Variants in LINGO2 observed in about 807,000 individuals in gnomAD.
LINGO2 encodes the protein leucine-rich repeat and immunoglobulin-like domain-containing nogo receptor-interacting protein 2.
In LINGO2, 14 loss-of-function variants were observed where a neutral mutation model predicts 30.6. That is an observed-to-expected ratio of 0.46 (90% CI 0.30 to 0.72). The LOEUF (loss-of-function observed/expected upper bound fraction) is 0.72. Among genes scored for constraint, LINGO2 ranks in the 30% least tolerant of loss-of-function variants. The pLI is 0.07. For missense variants in LINGO2, 729 were observed against 751.7 expected (o/e 0.97, Z 0.35); for synonymous variants, 317 against 288.5 (o/e 1.10, Z -1.00).
At chr9:28,647,675 T>G (rs1180929607) in intron 1 of LINGO2, among the ~76,000 whole-genome samples, 1 of 152,092 alleles carries the variant, frequency 6.6e-6, no homozygotes, top group Non-Finnish European at 1.5e-5. Context: ...AGGTTGCATT[T>G]ATGTAAAGGT....
chr9:28,380,390 G>GTTT (rs35512653), intron 2 of LINGO2, among the ~76,000 whole-genome samples: 2,605 of 144,772 alleles, frequency 0.018, 65 homozygotes, highest in East Asian at 0.094. Context: ...GACTATAAAG[G>GTTT]TTTTTTTTTT....
intron 4 of LINGO2, among the ~76,000 whole-genome samples, chr9:28,276,113 G>T (rs992096308): frequency 6.6e-6 from 1 of 152,096 alleles, no homozygotes; most frequent in Non-Finnish European, 1.5e-5. Flanking sequence ...GAGTCAAGGG[G>T]ATTTGACTAT....
At chr9:28,203,808 G>T (rs931515650) in intron 4 of LINGO2, among the ~76,000 whole-genome samples, 5 of 152,032 alleles carry the variant, frequency 3.3e-5, no homozygotes, top group Non-Finnish European at 7.4e-5. Context: ...CAGGGTATTT[G>T]GTGGAATACT....
At chr9:28,466,863 A>G (rs962470288) in intron 2 of LINGO2, among the ~76,000 whole-genome samples, 1 of 152,214 alleles carries the variant, frequency 6.6e-6, no homozygotes, top group Non-Finnish European at 1.5e-5. Flanking sequence ...CTATCTCTGT[A>G]TCACATGCAT....
At chr9:28,651,084 G>A (rs1054004115) in intron 1 of LINGO2, among the ~76,000 whole-genome samples, 11 of 151,826 alleles carry the variant, frequency 7.2e-5, no homozygotes, top group Non-Finnish European at 1.2e-4. Context: ...CCAGCTTCTC[G>A]GGAGGCTGAG....
chr9:28,194,712 AACAC>A (rs1819948917), intron 4 of LINGO2, among the ~76,000 whole-genome samples: 1 of 152,020 alleles, frequency 6.6e-6, no homozygotes, highest in Admixed American at 6.6e-5. Context: ...AAAAAATAAA[AACAC>A]ACCTGCCAAT....
the LINGO2 span, among the ~76,000 whole-genome samples, chr9:28,957,443 A>T: frequency 6.6e-6 from 1 of 152,186 alleles, no homozygotes; most frequent in South Asian, 2.1e-4. Flanking sequence ...GTAAGCATTA[A>T]TGCTTTATTT....
chr9:29,045,807 C>G, the LINGO2 span, among the ~76,000 whole-genome samples: 1 of 151,986 alleles, frequency 6.6e-6, no homozygotes, highest in African/African-American at 2.4e-5. Context: ...TTTTTGTTTT[C>G]TCCAATTTAC....
At chr9:28,309,280 T>A (rs1032069194) in intron 3 of LINGO2, among the ~76,000 whole-genome samples, 1 of 152,208 alleles carries the variant, frequency 6.6e-6, no homozygotes, top group Admixed American at 6.5e-5. Flanking sequence ...ATGTCCTTTG[T>A]AGGGACATGG....
chr9:29,028,779 T>C, the LINGO2 span, among the ~76,000 whole-genome samples: 5 of 152,132 alleles, frequency 3.3e-5, no homozygotes, highest in African/African-American at 9.7e-5. Context: ...AGCTATTCAA[T>C]AGGTAGACAT....
At chr9:29,164,463 T>C in the LINGO2 span, among the ~76,000 whole-genome samples, 3 of 152,054 alleles carry the variant, frequency 2.0e-5, no homozygotes, top group Non-Finnish European at 4.4e-5. Flanking sequence ...TTCTCTCACC[T>C]GGTGAGTTAT....
rs72726927 is a variant in LINGO2, at chr9:28,191,704, G to A, written c.-87+103504C>T. ...CATCAGTAACCTCAATGATAAACCC[G>A]ATGGTGATGTCTCTATCCACATCTT... On this transcript the variant is annotated intron_variant, in intron 4 of 5. Coordinates refer to ENST00000379992, the Ensembl canonical transcript of LINGO2. Among the ~76,000 whole-genome samples the A allele has an allele frequency of 3.6e-3, 541 of 152,158 alleles. 1 individual carries two copies. Among genetic ancestry groups the A allele is most frequent in the South Asian group, 0.026 (123 of 4,818 alleles).
chr9:28,659,793 G>A (rs10968707), intron 1 of LINGO2, among the ~76,000 whole-genome samples: 14,294 of 152,092 alleles, frequency 0.094, 891 homozygotes, highest in East Asian at 0.2. Flanking sequence ...AGAGTCCAGT[G>A]TCGTAATAGG....
At chr9:28,816,667 A>G in the LINGO2 span, among the ~76,000 whole-genome samples, 1 of 152,208 alleles carries the variant, frequency 6.6e-6, no homozygotes, top group Non-Finnish European at 1.5e-5. Context: ...GTATCATAGG[A>G]GTTGCCTGGC....
intron 4 of LINGO2, among the ~76,000 whole-genome samples, chr9:28,178,371 T>C (rs1828806217): frequency 1.3e-5 from 2 of 152,124 alleles, no homozygotes; most frequent in East Asian, 1.9e-4. Flanking sequence ...AAATGACTTA[T>C]ATAAATGAAA....
the LINGO2 span, among the ~76,000 whole-genome samples, chr9:28,712,005 T>C: frequency 6.6e-6 from 1 of 152,122 alleles, no homozygotes; most frequent in Non-Finnish European, 1.5e-5. Flanking sequence ...AGCCTTTTCA[T>C]TGGATTACAG....
rs1417528242 is a variant in LINGO2, at chr9:28,604,752, T to C, written c.-365+65448A>G. Among the ~76,000 whole-genome samples, 3 of 152,106 alleles carry C rather than the reference T, an allele frequency of 2.0e-5. No individual in the cohort carries two copies. In the East Asian group the frequency reaches 5.8e-4, roughly 29 times the overall value. ...GAATATATCTAGTTTGGCAAGTATGTAATTATATAACACACATGTCATATT... is the reference window on the plus strand; with the variant it reads ...GAATATATCTAGTTTGGCAAGTATGCAATTATATAACACACATGTCATATT... On this transcript the variant is annotated intron_variant, in intron 1 of 5. Coordinates refer to ENST00000379992, the Ensembl canonical transcript of LINGO2.
chr9:27,949,010 T>G (rs753913914), exon 6 of LINGO2: 6 of 1,613,796 alleles, frequency 3.7e-6, no homozygotes, highest in Non-Finnish European at 5.1e-6. Context: ...ATAAAACCAC[T>G]CCCAGGAATG....
At chr9:29,202,404 T>C in the LINGO2 span, among the ~76,000 whole-genome samples, 6 of 151,992 alleles carry the variant, frequency 3.9e-5, no homozygotes, top group Non-Finnish European at 8.8e-5. Flanking sequence ...TATTAGTAAG[T>C]ACCAGATTAT....
Sources: gnomAD v4.1 joint callset for allele counts (sites outside exome capture counted in the v4.1 genomes callset) on GRCh38, gnomAD v4.1.1 for gene constraint, MANE v1.5 for transcripts, NCBI Gene and HGNC (gene_info 2026-07-23, HGNC 2026-07-21) for gene names.